Variants in ZNF804B observed in about 807,000 individuals in gnomAD.
ZNF804B encodes zinc finger protein 804B.
ZNF804B carries 80 observed loss-of-function variants against 101.4 expected under a neutral mutation model. That is an observed-to-expected ratio of 0.79 (90% confidence interval 0.66 to 0.95). The LOEUF is 0.95. Ranked by LOEUF, ZNF804B falls within the 40% of genes least tolerant of loss-of-function variation. ZNF804B has a pLI of 0.00. For missense variants in ZNF804B, 1,673 were observed against 1,561.9 expected (o/e 1.07, Z -1.20); for synonymous variants, 622 against 558.8 (o/e 1.11, Z -1.59).
chr7:89,194,203 C>T (rs1246592397), intron 1 of ZNF804B, among the ~76,000 whole-genome samples: 2 of 152,042 alleles, frequency 1.3e-5, no homozygotes, highest in African/African-American at 4.8e-5. Context: ...ATTGTAGATT[C>T]TGGATATTAG....
chr7:89,163,412 T>TG (rs554951184), intron 1 of ZNF804B, among the ~76,000 whole-genome samples: 1 of 152,056 alleles, frequency 6.6e-6, no homozygotes, highest in East Asian at 1.9e-4. Context: ...GATTTTTTGG[T>TG]GGGGGTGAGA....
At chr7:89,163,736 G>A (rs1162217839) in intron 1 of ZNF804B, among the ~76,000 whole-genome samples, 2 of 152,094 alleles carry the variant, frequency 1.3e-5, no homozygotes, top group Non-Finnish European at 2.9e-5. Flanking sequence ...GTAGAGCAGT[G>A]TGTTGAACCT....
intron 1 of ZNF804B, among the ~76,000 whole-genome samples, chr7:88,917,513 T>C (rs1318600371): frequency 6.6e-6 from 1 of 152,124 alleles, no homozygotes; most frequent in African/African-American, 2.4e-5. Context: ...CAAGTGGAAG[T>C]AGTGATTCAA....
At chr7:89,112,865 G>A (rs1217073664) in intron 1 of ZNF804B, among the ~76,000 whole-genome samples, 1 of 152,146 alleles carries the variant, frequency 6.6e-6, no homozygotes, top group East Asian at 1.9e-4. Context: ...AGATTTTGAA[G>A]TGATGATGAT....
chr7:89,096,530 A>T (rs1229095750), intron 1 of ZNF804B, among the ~76,000 whole-genome samples: 3 of 152,108 alleles, frequency 2.0e-5, no homozygotes, highest in African/African-American at 7.2e-5. Flanking sequence ...TGATCTGTTT[A>T]TTGTAGTGTG....
intron 1 of ZNF804B, among the ~76,000 whole-genome samples, chr7:89,054,744 G>T (rs1466786050): frequency 9.2e-5 from 14 of 152,038 alleles, no homozygotes; most frequent in Admixed American, 9.2e-4. Flanking sequence ...TGGAGGAAGA[G>T]GAGGTAGTCA....
intron 1 of ZNF804B, among the ~76,000 whole-genome samples, chr7:88,828,691 A>C (rs1444141505): frequency 6.6e-6 from 1 of 152,166 alleles, no homozygotes; most frequent in African/African-American, 2.4e-5. Context: ...TAACAGTTTA[A>C]AATAAAAATA....
chr7:88,869,808 G>C (rs1562817872), intron 1 of ZNF804B, among the ~76,000 whole-genome samples: 1 of 152,028 alleles, frequency 6.6e-6, no homozygotes, highest in Non-Finnish European at 1.5e-5. Flanking sequence ...TAGTGGGGAA[G>C]GGAAAATCTC....
intron 2 of ZNF804B, among the ~76,000 whole-genome samples, chr7:89,313,274 C>G (rs1169950481): frequency 1.3e-5 from 2 of 152,062 alleles, no homozygotes; most frequent in Admixed American, 1.3e-4. Flanking sequence ...TAATTTTGAC[C>G]TTTTGCCTTG....
chr7:88,792,349 A>C (rs1056849613), intron 1 of ZNF804B, among the ~76,000 whole-genome samples: 9 of 152,118 alleles, frequency 5.9e-5, no homozygotes, highest in Non-Finnish European at 1.0e-4. Flanking sequence ...ATAAATATAT[A>C]ATTTTTATCC....
intron 1 of ZNF804B, among the ~76,000 whole-genome samples, chr7:88,953,946 C>G (rs1024569977): frequency 2.0e-5 from 3 of 151,564 alleles, no homozygotes; most frequent in African/African-American, 2.4e-5. Flanking sequence ...TTATGAATGT[C>G]ACCTCTGTGG....
chr7:88,981,417 G>A (rs1057165809), intron 1 of ZNF804B, among the ~76,000 whole-genome samples: 6 of 152,026 alleles, frequency 3.9e-5, no homozygotes, highest in Admixed American at 3.9e-4. Context: ...CTCCTCAGGT[G>A]GAAGGAAGGA....
intron 1 of ZNF804B, among the ~76,000 whole-genome samples, chr7:89,173,831 T>C (rs1791276684): frequency 6.6e-6 from 1 of 151,900 alleles, no homozygotes; most frequent in Admixed American, 6.6e-5. Flanking sequence ...AAAGTTAGAG[T>C]AGTGATTCTT....
At chr7:89,134,014 C>G (rs113433867) in intron 1 of ZNF804B, among the ~76,000 whole-genome samples, 1 of 152,012 alleles carries the variant, frequency 6.6e-6, no homozygotes, top group Non-Finnish European at 1.5e-5. Context: ...GTGGATTACT[C>G]CTTTTCACAG....
intron 1 of ZNF804B, among the ~76,000 whole-genome samples, chr7:89,004,768 CA>C (rs1295553656): frequency 1.1e-4 from 17 of 151,718 alleles, no homozygotes; most frequent in Admixed American, 1.1e-3. Context: ...TATGGAATAT[CA>C]AAAAGGAAGC....
chr7:89,120,735 A>G (rs980153046), intron 1 of ZNF804B, among the ~76,000 whole-genome samples: 19 of 151,074 alleles, frequency 1.3e-4, no homozygotes, highest in Admixed American at 6.6e-4. Flanking sequence ...ATTGGTTTTT[A>G]GTTTTATTGT....
At chr7:88,761,874 G>T (rs1789902747) in intron 1 of ZNF804B, among the ~76,000 whole-genome samples, 1 of 152,114 alleles carries the variant, frequency 6.6e-6, no homozygotes, top group Non-Finnish European at 1.5e-5. Context: ...TGGTCAAAAA[G>T]TGTCCTTTCT....
At chr7:89,016,855 A>T (rs1362131610) in intron 1 of ZNF804B, among the ~76,000 whole-genome samples, 1 of 152,032 alleles carries the variant, frequency 6.6e-6, no homozygotes, top group Non-Finnish European at 1.5e-5. Context: ...TTAAAGTAAT[A>T]TTTTCCAATT....
intron 1 of ZNF804B, among the ~76,000 whole-genome samples, chr7:88,896,138 A>C (rs1051479127): frequency 3.3e-5 from 5 of 152,222 alleles, no homozygotes; most frequent in African/African-American, 7.2e-5. Flanking sequence ...GAGAATGATT[A>C]TCTCTCTGGT....
Sources: gnomAD v4.1 joint callset for allele counts (sites outside exome capture counted in the v4.1 genomes callset) on GRCh38, gnomAD v4.1.1 for gene constraint, MANE v1.5 for transcripts, NCBI Gene and HGNC (gene_info 2026-07-23, HGNC 2026-07-21) for gene names.